The following SLC25A48 variants were observed in gnomAD, a reference collection of about 807,000 sequenced individuals.
The protein encoded by SLC25A48 is CTC-321K16.1.
In SLC25A48, 29 loss-of-function variants were observed where a neutral mutation model predicts 32.2. The ratio of observed to expected loss-of-function variants is 0.90; its 90% confidence interval spans 0.67 to 1.23. SLC25A48 has a LOEUF of 1.23. Ranked by LOEUF, SLC25A48 falls within the 50% of genes most tolerant of loss-of-function variation. SLC25A48 has a pLI of 0.00. For synonymous variants in SLC25A48, 164 were observed against 172.3 expected (o/e 0.95, Z 0.38); for missense variants, 399 against 422.7 (o/e 0.94, Z 0.49).
intron 3 of SLC25A48, among the ~76,000 whole-genome samples, chr5:135,675,133 C>A (rs1753739187): frequency 6.6e-6 from 1 of 151,896 alleles, no homozygotes; most frequent in Non-Finnish European, 1.5e-5. Context: ...ATTCATATAC[C>A]TGTTGTTCAT....
At position 135,650,385 on chromosome 5, in the gene SLC25A48, G is replaced by A. The variant is rs11960418; in HGVS notation, c.-521+15429G>A. On this transcript the variant is annotated intron_variant, in intron 3 of 10. Transcript: ENST00000646290. ...CCAGCATTCAAGAGGTCAGAAGTGT[G>A]GCAACATTGATTGAGGATGATGCTT... 5.7e-3 allele frequency: 2,615 copies of A among 455,930 alleles called. 61 individuals carry two copies. Among genetic ancestry groups the A allele is most frequent in the African/African-American group, 0.047 (2,352 of 50,148 alleles). The allele number at this position is 455,930 out of a possible 1,614,324, so 28.2% of individuals were successfully genotyped here.
Position 135,784,727 on chromosome 5 carries a change from T to C in SLC25A48, c.-520-27796T>C, listed in dbSNP as rs1235306230. On this transcript the variant is annotated intron_variant, in intron 3 of 10. Coordinates refer to the SLC25A48 transcript ENST00000646290. ...TCGCAGGAAGTGTACATTCCCTCCA[T>C]AGTATTTTTCCTAATACCCAGTGGA... Among the ~76,000 whole-genome samples, 13 of 117,994 alleles carry C rather than the reference T, an allele frequency of 1.1e-4. 6 individuals carry two copies. Among genetic ancestry groups the C allele is most frequent in the Admixed American group, 1.7e-4 (2 of 11,522 alleles). 77.4% of individuals were successfully genotyped at this position (117,994 alleles called of 152,430 possible).
intron 3 of SLC25A48, among the ~76,000 whole-genome samples, chr5:135,645,125 C>T (rs1012333784): frequency 1.3e-5 from 2 of 152,196 alleles, no homozygotes; most frequent in African/African-American, 2.4e-5. Flanking sequence ...AAATGGCGTA[C>T]GGGAGCGTTG....
At chr5:135,646,154 A>G (rs544201944) in intron 3 of SLC25A48, among the ~76,000 whole-genome samples, 1 of 152,290 alleles carries the variant, frequency 6.6e-6, no homozygotes, top group South Asian at 2.1e-4. Flanking sequence ...AGGGGAGGAA[A>G]TAGGAAAGAA....
At position 135,792,518 on chromosome 5, in the gene SLC25A48, A is replaced by ATAC. The variant is rs546021085; in HGVS notation, c.-520-20005_-520-20004insTAC. On this transcript the variant is annotated intron_variant, in intron 3 of 10. Transcript: ENST00000646290. ...TTAATGTAACCCTCTGGTTACATGTAATGTAACCATTATGTGTATACACTC... is the reference window on the plus strand; with the variant it reads ...TTAATGTAACCCTCTGGTTACATGTATACATGTAACCATTATGTGTATACACTC... Among the ~76,000 whole-genome samples, 198 of 151,326 alleles carry ATAC rather than the reference A, an allele frequency of 1.3e-3. 1 individual carries two copies. The highest frequency in any genetic ancestry group is 4.6e-3 in the African/African-American group (188 of 40,964).
intron 3 of SLC25A48, among the ~76,000 whole-genome samples, chr5:135,805,434 C>T: frequency 6.6e-6 from 1 of 151,464 alleles, no homozygotes. Context: ...CTCCTAACAT[C>T]ACAGTGGGTA....
chr5:135,738,962 A>T (rs1005841781), intron 3 of SLC25A48, among the ~76,000 whole-genome samples: 5 of 152,158 alleles, frequency 3.3e-5, no homozygotes, highest in African/African-American at 1.2e-4. Context: ...CACGCCTGTA[A>T]TCCTGGCTAC....
At chr5:135,730,213 G>C (rs1194446903) in intron 3 of SLC25A48, among the ~76,000 whole-genome samples, 1 of 152,130 alleles carries the variant, frequency 6.6e-6, no homozygotes, top group Non-Finnish European at 1.5e-5. Context: ...GTTCCAATTT[G>C]ATATGGTTTG....
chr5:135,654,375 G>C (rs1001587857), intron 3 of SLC25A48, among the ~76,000 whole-genome samples: 2 of 152,208 alleles, frequency 1.3e-5, no homozygotes, highest in Non-Finnish European at 2.9e-5. Context: ...CATAGGGTTT[G>C]TATCAGTTGG....
At chr5:135,856,566 C>T (rs1760338741) in intron 4 of SLC25A48, among the ~76,000 whole-genome samples, 1 of 152,186 alleles carries the variant, frequency 6.6e-6, no homozygotes. Flanking sequence ...GCCTGGCTGC[C>T]CCAAGGCTGT....
chr5:135,776,555 C>T (rs1200604144), intron 3 of SLC25A48, among the ~76,000 whole-genome samples: 2 of 150,788 alleles, frequency 1.3e-5, no homozygotes, highest in African/African-American at 4.8e-5. Flanking sequence ...TACACCCCTT[C>T]TGTGATATTG....
intron 3 of SLC25A48, among the ~76,000 whole-genome samples, chr5:135,662,226 G>A (rs1753420085): frequency 6.6e-6 from 1 of 152,138 alleles, no homozygotes; most frequent in Admixed American, 6.5e-5. Flanking sequence ...TTTGCCATCT[G>A]CATCTCATGA....
upstream of SLC25A48, among the ~76,000 whole-genome samples, chr5:135,830,545 G>C (rs565633527): frequency 5.9e-5 from 9 of 152,304 alleles, no homozygotes; most frequent in African/African-American, 1.9e-4. Context: ...GCCTCAAGCT[G>C]AACAGGTGAT....
At chr5:135,781,004 C>T (rs1268025042) in intron 3 of SLC25A48, among the ~76,000 whole-genome samples, 3 of 116,292 alleles carry the variant, frequency 2.6e-5, no homozygotes, top group African/African-American at 7.8e-5. Flanking sequence ...ATATATTGTT[C>T]CTAATATCCA....
At chr5:135,678,269 C>A (rs978685432) in intron 3 of SLC25A48, among the ~76,000 whole-genome samples, 1 of 152,056 alleles carries the variant, frequency 6.6e-6, no homozygotes, top group African/African-American at 2.4e-5. Context: ...GATCTGTCTT[C>A]AAGTTCTGAA....
intron 3 of SLC25A48, among the ~76,000 whole-genome samples, chr5:135,657,556 G>T (rs373970763): frequency 6.6e-6 from 1 of 152,212 alleles, no homozygotes; most frequent in Non-Finnish European, 1.5e-5. Context: ...GGGAACTGTC[G>T]TTTACAGACT....
chr5:135,805,268 A>G (rs930444158), intron 3 of SLC25A48, among the ~76,000 whole-genome samples: 1 of 151,324 alleles, frequency 6.6e-6, no homozygotes, highest in African/African-American at 2.4e-5. Context: ...TCCTAGGCAG[A>G]TATTATTTTT....
chr5:135,818,057 CTCTCTCTCTCTCTCT>C (rs1757775344), intron 4 of SLC25A48, among the ~76,000 whole-genome samples: 1 of 4,988 alleles, frequency 2.0e-4, no homozygotes, highest in East Asian at 0.016. Context: ...CTCTGTTCCT[CTCTCTCTCTCTCTCT>C]CTCTCTCTCT....
At chr5:135,667,677 T>C (rs1394291222) in intron 3 of SLC25A48, among the ~76,000 whole-genome samples, 3 of 152,252 alleles carry the variant, frequency 2.0e-5, no homozygotes, top group African/African-American at 7.2e-5. Context: ...CTTTGCTCTC[T>C]GGTCTTTTGC....
Sources: gnomAD v4.1 joint callset for allele counts (sites outside exome capture counted in the v4.1 genomes callset) on GRCh38, gnomAD v4.1.1 for gene constraint, MANE v1.5 for transcripts, NCBI Gene and HGNC (gene_info 2026-07-23, HGNC 2026-07-21) for gene names.